PDXDC1: variants seen among roughly 807,000 people sequenced by gnomAD.
The protein encoded by PDXDC1 is pyridoxal-dependent decarboxylase domain-containing protein 1.
In PDXDC1, 42 loss-of-function variants were observed where a neutral mutation model predicts 100.1. That is an observed-to-expected ratio of 0.42 (90% CI 0.33 to 0.54). The LOEUF is 0.54. Ranked by LOEUF, PDXDC1 falls within the 20% of genes least tolerant of loss-of-function variation. PDXDC1 has a pLI of 0.10. For synonymous variants in PDXDC1, 260 were observed against 371.7 expected (o/e 0.70, Z 3.46); for missense variants, 636 against 979.2 (o/e 0.65, Z 4.68).
intron 1 of PDXDC1, among the ~76,000 whole-genome samples, chr16:14,983,053 A>T (rs1413238610): frequency 6.6e-6 from 1 of 152,274 alleles, no homozygotes; most frequent in Non-Finnish European, 1.5e-5. Context: ...AGCATCTCAT[A>T]ACTCCAAGGT....
chr16:15,082,343 T>C (rs1460771678), intron 16 of PDXDC1, among the ~76,000 whole-genome samples: 1 of 152,128 alleles, frequency 6.6e-6, no homozygotes, highest in Non-Finnish European at 1.5e-5. Flanking sequence ...TTTGTTCTAT[T>C]GCTACAAAAT....
intron 1 of PDXDC1, chr16:14,989,976 G>C: frequency 1.4e-6 from 2 of 1,457,364 alleles, no homozygotes; most frequent in South Asian, 1.3e-5. Context: ...GCAGGCAGAC[G>C]GCTCGGTGGC....
intron 17 of PDXDC1, 55 bp downstream of exon 17, chr16:15,031,961 A>AGTG: frequency 1.4e-6 from 2 of 1,423,786 alleles, no homozygotes; most frequent in Admixed American, 4.0e-5. Context: ...AAAGAACATG[A>AGTG]GTGGGTCATT....
At chr16:15,142,897 G>A (rs1303268064), downstream of PDXDC1, among the ~76,000 whole-genome samples, 1 of 152,036 alleles carries the variant, frequency 6.6e-6, no homozygotes, top group African/African-American at 2.4e-5. Flanking sequence ...CTAAGCCCAG[G>A]CAAGAGCACA....
chr16:15,143,099 G>A (rs1277095237), downstream of PDXDC1, among the ~76,000 whole-genome samples: 3 of 152,162 alleles, frequency 2.0e-5, no homozygotes, highest in East Asian at 1.9e-4. Context: ...CCCATGGGGG[G>A]CAGGACGGTG....
chr16:15,145,223 G>C, the PDXDC1 span, among the ~76,000 whole-genome samples: 1 of 152,240 alleles, frequency 6.6e-6, no homozygotes, highest in East Asian at 1.9e-4. Context: ...CGGCTGTGCG[G>C]GCACAGCAGT....
chr16:14,998,781 T>C (rs974598669), intron 3 of PDXDC1, among the ~76,000 whole-genome samples: 3 of 152,286 alleles, frequency 2.0e-5, no homozygotes, highest in Admixed American at 6.5e-5. Context: ...CAGTGTCTTA[T>C]CATCATTGAT....
chr16:14,975,028 C>T lies in PDXDC1; in HGVS notation c.-172C>T, dbSNP rs1597207155. On this transcript the variant is annotated 5_prime_UTR_variant, in exon 1 of 23. Transcript: ENST00000396410. ...GCTACGGGGCCCCGCCCCGCCGCCT[C>T]TCAACCATCAGGTTCGGCAGCCCGC... 3.3e-6 allele frequency: 5 copies of T among 1,531,702 alleles called. No homozygotes were observed. The East Asian group carries it at 7.4e-5, about 23-fold the overall frequency. The allele number at this position is 1,531,702 out of a possible 1,614,324, so 94.9% of individuals were successfully genotyped here.
intron 1 of PDXDC1, among the ~76,000 whole-genome samples, chr16:14,995,161 G>T (rs1200860903): frequency 6.6e-6 from 1 of 152,280 alleles, no homozygotes; most frequent in East Asian, 1.9e-4. Flanking sequence ...GCCCTGGCCA[G>T]AACTTCCCAC....
chr16:15,125,149 C>G (rs1393722524), intron 16 of PDXDC1: 2 of 398,162 alleles, frequency 5.0e-6, no homozygotes, highest in Non-Finnish European at 8.4e-6. Flanking sequence ...GAGACTCTGT[C>G]TCAAAAAAAA....
chr16:15,148,757 T>C, the PDXDC1 span, among the ~76,000 whole-genome samples: 3 of 152,036 alleles, frequency 2.0e-5, no homozygotes, highest in African/African-American at 7.3e-5. Flanking sequence ...CGATACTGCA[T>C]GGATGACCTG....
chr16:15,018,546 A>G (rs1387541203), intron 11 of PDXDC1, among the ~76,000 whole-genome samples: 3 of 152,272 alleles, frequency 2.0e-5, no homozygotes, highest in Non-Finnish European at 4.4e-5. Flanking sequence ...GCTCAGAGCT[A>G]CCTTCGAAGT....
At chr16:15,062,151 G>A (rs182437026) in intron 16 of PDXDC1, among the ~76,000 whole-genome samples, 6 of 152,292 alleles carry the variant, frequency 3.9e-5, no homozygotes, top group Non-Finnish European at 4.4e-5. Flanking sequence ...CATGTCTCTA[G>A]AAAAACAGAA....
rs1291649525 is a variant in PDXDC1, at chr16:15,032,165, A to G, written c.1571+259A>G. On this transcript the variant is annotated intron_variant, in intron 17 of 22. Coordinates refer to ENST00000396410, the MANE Select transcript of PDXDC1 (RefSeq NM_015027.4). Reference sequence around the variant, plus strand: ...CTCAGCTACCTAGGAGAAGATGCCAACAGGTATATATCACTCACTGAGAAT... The same window carrying G: ...CTCAGCTACCTAGGAGAAGATGCCAGCAGGTATATATCACTCACTGAGAAT... 1.1e-5 allele frequency: 6 copies of G among 537,176 alleles called. No individual in the cohort carries two copies. In the East Asian group the frequency reaches 1.8e-4, roughly 16 times the overall value. 33.3% of individuals were successfully genotyped at this position (537,176 alleles called of 1,614,324 possible). A position where few individuals can be genotyped will look rare whatever the true frequency, so the allele number is the denominator to read the frequency against.
At chr16:15,027,854 TGGGAAATGCAACATTTG>T (rs1443090671) in intron 14 of PDXDC1, among the ~76,000 whole-genome samples, 5 of 152,292 alleles carry the variant, frequency 3.3e-5, no homozygotes, top group Non-Finnish European at 7.3e-5. Flanking sequence ...AGCGTGGTCT[TGGGAAATGCAACATTTG>T]GGGGAAGGCA....
At chr16:15,015,160 C>T (rs1173250761) in intron 8 of PDXDC1, among the ~76,000 whole-genome samples, 1 of 152,218 alleles carries the variant, frequency 6.6e-6, no homozygotes, top group Middle Eastern at 3.2e-3. Flanking sequence ...CCAGGATGGT[C>T]TCCATCTCCT....
intron 16 of PDXDC1, among the ~76,000 whole-genome samples, chr16:15,063,641 C>A (rs951405081): frequency 1.4e-4 from 19 of 139,832 alleles, no homozygotes; most frequent in Non-Finnish European, 2.4e-4. Context: ...GGAGACGGAG[C>A]TTGCAGCGAG....
At chr16:15,043,034 G>A (rs1287173371), downstream of PDXDC1, among the ~76,000 whole-genome samples, 3 of 152,030 alleles carry the variant, frequency 2.0e-5, no homozygotes, top group African/African-American at 4.8e-5. Context: ...CCAAGTAGCT[G>A]GGATTACAGG....
intron 16 of PDXDC1, among the ~76,000 whole-genome samples, chr16:15,091,669 C>G (rs1293971590): frequency 3.3e-5 from 5 of 152,116 alleles, no homozygotes; most frequent in Non-Finnish European, 5.9e-5. Context: ...AAAAAAACAG[C>G]CAGCTATAAT....
Sources: allele counts gnomAD v4.1 joint callset (sites outside exome capture counted in the v4.1 genomes callset), GRCh38; gene constraint gnomAD v4.1.1; transcripts MANE v1.5; gene names NCBI Gene and HGNC (gene_info 2026-07-23, HGNC 2026-07-21).